POLG: variants seen among roughly 807,000 people sequenced by gnomAD.
POLG encodes the protein DNA polymerase subunit gamma-1.
In POLG, 110 loss-of-function variants were observed where a neutral mutation model predicts 155.4. The ratio of observed to expected loss-of-function variants is 0.71; its 90% CI spans 0.61 to 0.83. The LOEUF (loss-of-function observed/expected upper bound fraction) is 0.83. Ranked by LOEUF, POLG falls within the 40% of genes least tolerant of loss-of-function variation. POLG has a pLI of 0.00. For synonymous variants in POLG, 701 were observed against 631.5 expected (o/e 1.11, Z -1.65); for missense variants, 1,685 against 1,627.5 (o/e 1.04, Z -0.61).
At chr15:89,326,864 C>G (rs377462878) in intron 8 of POLG, 48 bp downstream of exon 8, 13 of 1,612,136 alleles carry the variant, frequency 8.1e-6, no homozygotes, top group South Asian at 2.2e-5. Context: ...ACAGGACCTT[C>G]CCAGAGACAA....
chr15:89,321,867 G>C lies in POLG; in HGVS notation c.2481-14C>G. ...TAGTCGGGGTGCCTGGTGGGGTGCA[G>C]GGGAAGGAAATGGGTCTTAGCAGGG... On this transcript the variant is annotated splice_polypyrimidine_tract_variant and intron_variant, in intron 15 of 22. Coordinates refer to ENST00000268124, the MANE Select transcript of POLG (RefSeq NM_002693.3). The C allele has an allele frequency of 6.2e-7, 1 of 1,611,222 alleles. No homozygotes were observed. The highest frequency in any genetic ancestry group is 1.3e-5 in the African/African-American group (1 of 75,002).
intron 10 of POLG, among the ~76,000 whole-genome samples, chr15:89,325,130 G>A (rs1188241312): frequency 4.9e-5 from 4 of 82,232 alleles, no homozygotes; most frequent in African/African-American, 1.9e-4. Context: ...GAGTGAGTGA[G>A]AGAGTGAGTG....
Position 89,318,649 on chromosome 15 carries a change from A to T in POLG, c.3374T>A (p.Ile1125Lys), listed in dbSNP as rs1422562559. Residue 1125 changes from isoleucine (I) to lysine (K), a missense_variant, in exon 21 of 23, where the codon ATA becomes AAA. Coordinates refer to ENST00000268124, the MANE Select transcript of POLG (RefSeq NM_002693.3). ...GATGCTGATGCAGAAGCGCCCATCT[A>T]TGGCAAACTCTTCAAACAGCCACTT... is the stretch of plus-strand genomic sequence containing the variant. ...AMKWLFEEFA[I>K]DGRFCISIHD... is the part of the protein sequence containing the mutation. 1.2e-6 allele frequency: 2 copies of T among 1,614,084 alleles called. No homozygotes were observed. The highest frequency in any genetic ancestry group is 4.5e-5 in the East Asian group (2 of 44,894).
chr15:89,330,948 C>A (rs1174072899), intron 2 of POLG, among the ~76,000 whole-genome samples: 1 of 152,036 alleles, frequency 6.6e-6, no homozygotes, highest in Non-Finnish European at 1.5e-5. Context: ...GTTGGGGGCC[C>A]GACACTGATT....
At chr15:89,316,950 C>T (rs1453542404) in intron 22 of POLG, 123 bp from the exon 23 acceptor site, 2 of 760,852 alleles carry the variant, frequency 2.6e-6, no homozygotes, top group Admixed American at 1.9e-5. Flanking sequence ...ACAATTGCCA[C>T]GAACGGTAAT....
At position 89,325,163 on chromosome 15, in the gene POLG, T is replaced by TGA. The variant is rs1304816688; in HGVS notation, c.1949+285_1949+286dup. Among the ~76,000 whole-genome samples the TGA allele has an allele frequency of 1.0e-4, 5 of 48,200 alleles. 1 individual carries two copies. The highest frequency in any genetic ancestry group is 1.9e-4 in the Non-Finnish European group (5 of 26,818). The allele number at this position is 48,200 out of a possible 152,430, so 31.6% of individuals were successfully genotyped here. ...GTGAGAGAGTGAGTGAGTGAGTGAGTGAGTGAGAGAGTGAGAGAGTGAGTG... is the reference window on the plus strand; with the variant it reads ...GTGAGAGAGTGAGTGAGTGAGTGAGTGAGAGTGAGAGAGTGAGAGAGTGAGTG... On this transcript the variant is annotated intron_variant, in intron 10 of 22. Transcript: ENST00000268124.
At chr15:89,323,314 A>G in intron 13 of POLG, 90 bp downstream of exon 13, 2 of 794,464 alleles carry the variant, frequency 2.5e-6, no homozygotes, top group South Asian at 2.9e-5. Context: ...CACAAAAAGG[A>G]AAGTCTCAGG....
In POLG at chr15:89,325,542, G is replaced by C; in HGVS notation, c.1857C>G (p.Gly619=). 1 of 1,613,262 alleles carries C rather than the reference G, an allele frequency of 6.2e-7. No homozygotes were observed. Among genetic ancestry groups the C allele is most frequent in the Non-Finnish European group, 8.5e-7 (1 of 1,179,998 alleles). ...GFPLHYSERH[G]WGYLVPGRRD... is the part of the protein sequence containing the mutation. ...GCCGCCCAGGCACCAAGTAGCCCCA[G>C]CCATGACGCTCTGAGTAGTGCAGAG... Residue 619 remains glycine (G), a synonymous_variant, in exon 10 of 23, where the codon GGC becomes GGG. Coordinates refer to ENST00000268124, the MANE Select transcript of POLG (RefSeq NM_002693.3).
chr15:89,328,944 G>C lies in POLG; in HGVS notation c.1022C>G (p.Ala341Gly). The stretch of plus-strand genomic sequence containing the variant: ...TGCCCACCGGCAGTGTGCTCTCACC[G>C]CTGGGCCTCTTCTGGCTTTCCTCTG... Reference protein sequence around the residue: ...KSQRKARRGPAISSWDWLDIS... With the variant: ...KSQRKARRGPGISSWDWLDIS... Residue 341 changes from alanine to glycine, a missense_variant and splice_region_variant, in exon 4 of 23, where the codon GCG becomes GGG. Coordinates refer to ENST00000268124, the MANE Select transcript of POLG (RefSeq NM_002693.3). 1.2e-6 allele frequency: 2 copies of C among 1,614,098 alleles called. No individual in the cohort carries two copies. The highest frequency in any genetic ancestry group is 1.7e-6 in the Non-Finnish European group (2 of 1,180,030).
At chr15:89,326,107 G>A (rs548151487) in intron 9 of POLG, among the ~76,000 whole-genome samples, 5 of 152,298 alleles carry the variant, frequency 3.3e-5, no homozygotes, top group East Asian at 1.9e-4. Flanking sequence ...AGACTAGCAA[G>A]GCACTCAGGA....
chr15:89,328,977 T>TG lies in POLG; in HGVS notation c.988dup (p.Gln330ProfsTer58). ...TCTTCTGGCTTTCCTCTGGGACTTCTGGCCTTGCTTTGTGGGGGGCTGGAC... is the reference window on the plus strand; with the variant it reads ...TCTTCTGGCTTTCCTCTGGGACTTCTGGGCCTTGCTTTGTGGGGGGCTGGAC... On this transcript the variant is annotated frameshift_variant, in exon 4 of 23. Transcript: ENST00000268124. LOFTEE classifies it high-confidence loss of function. 1 of 1,613,910 alleles carries TG rather than the reference T, an allele frequency of 6.2e-7. No individual in the cohort carries two copies. Among genetic ancestry groups the TG allele is most frequent in the Non-Finnish European group, 8.5e-7 (1 of 1,180,030 alleles).
intron 3 of POLG, 91 bp from the exon 4 acceptor site, chr15:89,329,201 C>T (rs2055563738): frequency 9.4e-7 from 1 of 1,066,352 alleles, no homozygotes; most frequent in Admixed American, 2.0e-5. Flanking sequence ...GACCTCCAGC[C>T]CCACCTCAGC....
At chr15:89,319,511 C>G (rs2055363340) in intron 18 of POLG, 161 bp from the exon 19 acceptor site, 1 of 954,540 alleles carries the variant, frequency 1.0e-6, no homozygotes, top group African/African-American at 1.6e-5. Flanking sequence ...CTCAGAGAGG[C>G]TAAGTGCCTT....
chr15:89,329,987 A>C, intron 3 of POLG, 94 bp downstream of exon 3: 1 of 1,065,146 alleles, frequency 9.4e-7, no homozygotes. Flanking sequence ...CAACAGAGAC[A>C]CGTGCCAGGA....
chr15:89,323,738 G>C, intron 12 of POLG, 77 bp downstream of exon 12: 1 of 1,223,288 alleles, frequency 8.2e-7, no homozygotes, highest in Non-Finnish European at 1.2e-6. Context: ...ACTCTGGCTG[G>C]GAAGAACTAG....
At position 89,333,437 on chromosome 15, in the gene POLG, G is replaced by A. The variant is rs1163163275; in HGVS notation, c.318C>T (p.His106=). 1.2e-6 allele frequency: 2 copies of A among 1,609,254 alleles called. No homozygotes were observed. Among genetic ancestry groups the A allele is most frequent in the Admixed American group, 1.7e-5 (1 of 59,986 alleles). Residue 106 remains histidine, a synonymous_variant, in exon 2 of 23, where the codon CAC becomes CAT. Coordinates refer to ENST00000268124, the MANE Select transcript of POLG (RefSeq NM_002693.3). ...GCCCCCAGAGCCCGTGCTTCTGCAG[G>A]TGCTCGACGCTGCGGCGCACCGCGG... The part of the protein sequence containing the change: ...GEAAVRRSVE[H]LQKHGLWGQP...
At position 89,325,195 on chromosome 15, in the gene POLG, AGAGTGAGTGAGAGAGT is replaced by A. The variant is rs1418862375; in HGVS notation, c.1949+239_1949+254del. Among the ~76,000 whole-genome samples, 27 of 49,162 alleles carry A rather than the reference AGAGTGAGTGAGAGAGT, an allele frequency of 5.5e-4. 6 individuals are homozygous for A. Among genetic ancestry groups the A allele is most frequent in the South Asian group, 1.4e-3 (2 of 1,464 alleles). 32.3% of individuals were successfully genotyped at this position (49,162 alleles called of 152,430 possible). On this transcript the variant is annotated intron_variant, in intron 10 of 22. Transcript: ENST00000268124. ...GAGAGTGAGAGAGTGAGTGAGTGAGAGAGTGAGTGAGAGAGTGAGTGAGTGAGAGAGTGAGTGAGAG... is the reference window on the plus strand; with the variant it reads ...GAGAGTGAGAGAGTGAGTGAGTGAGAGAGTGAGTGAGAGAGTGAGTGAGAG...
chr15:89,316,875 CTG>C, intron 22 of POLG, 48 bp from the exon 23 acceptor site: 2 of 1,365,360 alleles, frequency 1.5e-6, no homozygotes, highest in Non-Finnish European at 2.1e-6. Context: ...AGAACTGTAA[CTG>C]AGAGCTCAGA....
Position 89,330,189 on chromosome 15 carries a change from G to A in POLG, c.747C>T (p.Val249=), listed in dbSNP as rs1234505563. The change falls in exon 3 of 23, where the codon GTC becomes GTT. Residue 249 remains valine, a synonymous_variant. Transcript: ENST00000268124. ...GGGTGGGGCTGCTGGCACCAGTAGG[G>A]ACCTCCAGGGGGATGAGGTCAGCCG... ...LSPADLIPLE[V]PTGASSPTQR... 6.2e-7 allele frequency: 1 copy of A among 1,613,706 alleles called. No homozygotes were observed. Among genetic ancestry groups the A allele is most frequent in the South Asian group, 1.1e-5 (1 of 91,072 alleles).
Sources: gnomAD v4.1 joint callset for allele counts (sites outside exome capture counted in the v4.1 genomes callset) on GRCh38, gnomAD v4.1.1 for gene constraint, MANE v1.5 for transcripts, NCBI Gene and HGNC (gene_info 2026-07-23, HGNC 2026-07-21) for gene names.